TRIM24: variants seen among roughly 807,000 people sequenced by gnomAD.
The protein encoded by TRIM24 is tripartite motif containing 24.
A neutral mutation model predicts 123.9 loss-of-function variants in TRIM24; 29 were observed. The observed-to-expected ratio is 0.23, with a 90% CI of 0.17 to 0.32. The LOEUF is 0.32. TRIM24 is among the 10% of genes least tolerant of loss of function. TRIM24 has a pLI of 1.00. For synonymous variants in TRIM24, 456 were observed against 461.1 expected (o/e 0.99, Z 0.14); for missense variants, 932 against 1,295.3 (o/e 0.72, Z 4.31).
At chr7:138,543,211 A>G (rs1475381380) in intron 7 of TRIM24, among the ~76,000 whole-genome samples, 1 of 152,260 alleles carries the variant, frequency 6.6e-6, no homozygotes, top group East Asian at 1.9e-4. Flanking sequence ...AACTGTTGAA[A>G]TAGGAATGAA....
intron 14 of TRIM24, 69 bp downstream of exon 14, chr7:138,577,657 TCTTAG>T: frequency 7.8e-7 from 1 of 1,275,892 alleles, no homozygotes; most frequent in Non-Finnish European, 1.0e-6. Flanking sequence ...TTTAAATAGC[TCTTAG>T]GAGTTTTTTT....
intron 17 of TRIM24, among the ~76,000 whole-genome samples, chr7:138,583,372 C>T (rs149414571): frequency 0.013 from 1,972 of 152,316 alleles, 23 homozygotes; most frequent in Middle Eastern, 0.037. Context: ...GTAATCCCAA[C>T]ATTTTGGGAG....
chr7:138,531,394 TG>T (rs1796741985), intron 6 of TRIM24, among the ~76,000 whole-genome samples: 1 of 111,518 alleles, frequency 9.0e-6, no homozygotes, highest in African/African-American at 3.5e-5. Flanking sequence ...CAGGCCCCGG[TG>T]TGTGATGCTC....
chr7:138,527,119 C>T (rs1796626704), intron 5 of TRIM24, among the ~76,000 whole-genome samples: 2 of 152,050 alleles, frequency 1.3e-5, no homozygotes, highest in South Asian at 4.1e-4. Context: ...TGTTTTTCAG[C>T]ACCTTTATAG....
At chr7:138,574,288 A>G (rs1797713811) in intron 12 of TRIM24, among the ~76,000 whole-genome samples, 1 of 152,158 alleles carries the variant, frequency 6.6e-6, no homozygotes, top group African/African-American at 2.4e-5. Flanking sequence ...TGACATACCT[A>G]CTCATTTCCT....
At chr7:138,535,376 G>A (rs1297852574) in intron 6 of TRIM24, among the ~76,000 whole-genome samples, 1 of 152,162 alleles carries the variant, frequency 6.6e-6, no homozygotes, top group Admixed American at 6.5e-5. Flanking sequence ...TCCATGTTTA[G>A]TGCTTCCTTC....
intron 2 of TRIM24, among the ~76,000 whole-genome samples, chr7:138,507,550 T>C (rs1457011653): frequency 6.6e-6 from 1 of 151,982 alleles, no homozygotes; most frequent in Non-Finnish European, 1.5e-5. Context: ...TGCAAACTCC[T>C]GACCTCAGGT....
At chr7:138,537,570 A>G (rs1434841376) in intron 6 of TRIM24, among the ~76,000 whole-genome samples, 4 of 151,538 alleles carry the variant, frequency 2.6e-5, no homozygotes, top group African/African-American at 9.7e-5. Flanking sequence ...TTAATTCTCA[A>G]CCTTCTCCAA....
intron 1 of TRIM24, among the ~76,000 whole-genome samples, chr7:138,479,683 T>A (rs1795483535): frequency 6.6e-6 from 1 of 151,940 alleles, no homozygotes; most frequent in Non-Finnish European, 1.5e-5. Context: ...AATTTTGTAT[T>A]TTTTAGTAGA....
chr7:138,528,777 A>C (rs376447772), intron 5 of TRIM24, among the ~76,000 whole-genome samples: 1,558 of 15,786 alleles, frequency 0.099, 8 homozygotes, highest in Middle Eastern at 0.31. Context: ...TTTTTGGTCC[A>C]CCCCCACCCC....
intron 7 of TRIM24, among the ~76,000 whole-genome samples, chr7:138,549,617 G>A (rs1436105034): frequency 1.3e-5 from 2 of 152,328 alleles, no homozygotes; most frequent in African/African-American, 2.4e-5. Flanking sequence ...ATGGTTTCAG[G>A]AAAGAATGGG....
intron 9 of TRIM24, chr7:138,556,231 T>C (rs1797313838): frequency 6.6e-6 from 1 of 152,164 alleles, no homozygotes; most frequent in Non-Finnish European, 1.5e-5. Context: ...GATTTTCTTA[T>C]TTTTCTCTAA....
Position 138,519,066 on chromosome 7 carries a change from G to A in TRIM24, c.632-123G>A. ...TCTGTAATTCTTAGTGAAAGTTATGGTATAGTATAGGTGAAGCTGTAGTGT... is the reference window on the plus strand; with the variant it reads ...TCTGTAATTCTTAGTGAAAGTTATGATATAGTATAGGTGAAGCTGTAGTGT... On this transcript the variant is annotated intron_variant, in intron 3 of 18. Transcript: ENST00000343526. 7.1e-6 allele frequency: 8 copies of A among 1,124,794 alleles called. No individual in the cohort carries two copies. In the South Asian group the frequency reaches 1.0e-4, roughly 14 times the overall value. 69.7% of individuals were successfully genotyped at this position (1,124,794 alleles called of 1,614,324 possible). A position where few individuals can be genotyped will look rare whatever the true frequency, so the allele number is the denominator to read the frequency against.
chr7:138,504,104 A>G (rs1368679286), intron 1 of TRIM24, among the ~76,000 whole-genome samples, 186 bp from the exon 2 acceptor site: 2 of 152,220 alleles, frequency 1.3e-5, no homozygotes, highest in South Asian at 2.1e-4. Flanking sequence ...TTTATCATTT[A>G]ATATTTCATG....
intron 1 of TRIM24, among the ~76,000 whole-genome samples, chr7:138,469,848 T>TC (rs1795231741): frequency 6.6e-6 from 1 of 152,218 alleles, no homozygotes; most frequent in African/African-American, 2.4e-5. Context: ...ATATGCTGTA[T>TC]GGAGTATCCT....
At chr7:138,568,949 TCAATTTG>T (rs752730716) in intron 10 of TRIM24, among the ~76,000 whole-genome samples, 34 of 152,212 alleles carry the variant, frequency 2.2e-4, no homozygotes, top group Non-Finnish European at 3.4e-4. Context: ...CTTCGTATAA[TCAATTTG>T]CCTTTGCTAT....
chr7:138,585,218 T>C lies in TRIM24; in HGVS notation c.*267T>C, dbSNP rs904057477. ...AGAAAAAGGATGGAAGAAAGAAGCATTGAAAACAAAGACATTCTTCCCACT... is the reference window on the plus strand; with the variant it reads ...AGAAAAAGGATGGAAGAAAGAAGCACTGAAAACAAAGACATTCTTCCCACT... On this transcript the variant is annotated 3_prime_UTR_variant, in exon 19 of 19. Coordinates refer to ENST00000343526, the MANE Select transcript of TRIM24 (RefSeq NM_015905.3). The C allele has an allele frequency of 6.2e-5, 19 of 308,428 alleles. No individual in the cohort carries two copies. Among genetic ancestry groups the C allele is most frequent in the African/African-American group, 3.7e-4 (17 of 46,534 alleles). 19.1% of individuals were successfully genotyped at this position (308,428 alleles called of 1,614,324 possible).
At chr7:138,531,266 GT>G (rs751371365) in intron 6 of TRIM24, among the ~76,000 whole-genome samples, 1 of 151,856 alleles carries the variant, frequency 6.6e-6, no homozygotes, top group East Asian at 1.9e-4. Flanking sequence ...TGTTACATAT[GT>G]TTACATGTGT....
chr7:138,560,347 C>G (rs920393160), intron 9 of TRIM24, among the ~76,000 whole-genome samples: 1 of 152,206 alleles, frequency 6.6e-6, no homozygotes, highest in Non-Finnish European at 1.5e-5. Context: ...GTGATAATGT[C>G]TCTTAACAAT....
Sources: gnomAD v4.1 joint callset for allele counts (sites outside exome capture counted in the v4.1 genomes callset) on GRCh38, gnomAD v4.1.1 for gene constraint, MANE v1.5 for transcripts, NCBI Gene and HGNC (gene_info 2026-07-23, HGNC 2026-07-21) for gene names.